Variants in SERPINB6 observed in about 807,000 individuals in gnomAD.
SERPINB6 encodes serpin B6.
A neutral mutation model predicts 26.1 loss-of-function variants in SERPINB6; 16 were observed. The observed-to-expected ratio is 0.61, with a 90% CI of 0.42 to 0.93. SERPINB6 has a LOEUF of 0.93. SERPINB6 is among the 40% of genes least tolerant of loss of function. SERPINB6 has a pLI of 0.00. For missense variants in SERPINB6, 420 were observed against 478.0 expected (o/e 0.88, Z 1.13); for synonymous variants, 174 against 176.6 (o/e 0.99, Z 0.11).
Position 2,967,157 on chromosome 6 carries a change from C to G in SERPINB6, c.-11+4376G>C. 1 of 985,292 alleles carries G rather than the reference C, an allele frequency of 1.0e-6. No homozygotes were observed. The highest frequency in any genetic ancestry group is 1.2e-6 in the Non-Finnish European group (1 of 829,824). The allele number at this position is 985,292 out of a possible 1,614,324, so 61.0% of individuals were successfully genotyped here. ...AAAGGTGACCAGTGCAGAGCTCCAG[C>G]CACCCAGACTCCTCGAGTTGGAGGG... On this transcript the variant is annotated intron_variant, in intron 1 of 6. Transcript: ENST00000380539. The surrounding 1 kb of genome is among the most constrained non-coding windows in gnomAD (Gnocchi z 4.3).
rs1367117546 is a variant in SERPINB6, at chr6:2,967,928, A to G, written c.-11+3605T>C. The G allele has an allele frequency of 6.6e-6, 1 of 152,246 alleles. No homozygotes were observed. The highest frequency in any genetic ancestry group is 1.9e-4 in the East Asian group (1 of 5,204). The allele number at this position is 152,246 out of a possible 1,614,324, so 9.4% of individuals were successfully genotyped here. ...AAACAGAACTACCATTCAACCCAGC[A>G]ATCCCATTACTGAGTATACAACCAG... On this transcript the variant is annotated intron_variant, in intron 1 of 6. Transcript: ENST00000380539. This position sits in a 1 kb window ranked among gnomAD's most constrained non-coding sequence, Gnocchi z 4.3.
chr6:2,955,122 G>A lies in SERPINB6; in HGVS notation c.312+402C>T, dbSNP rs550096028. On this transcript the variant is annotated intron_variant, in intron 3 of 6. Transcript: ENST00000380539. ...GGAGAATCACTTGAACCCAGAAGGC[G>A]GAGGTTGCAGTAAGCCGAGATCAGG... 1,026 of 275,830 alleles carry A rather than the reference G, an allele frequency of 3.7e-3. 4 individuals carry two copies. The highest frequency in any genetic ancestry group is 5.6e-3 in the Non-Finnish European group (809 of 143,830). The allele number at this position is 275,830 out of a possible 1,614,324, so 17.1% of individuals were successfully genotyped here. A position where few individuals can be genotyped will look rare whatever the true frequency, so the allele number is the denominator to read the frequency against.
At chr6:2,951,885 C>G (rs1769850680) in intron 5 of SERPINB6, among the ~76,000 whole-genome samples, 1 of 152,214 alleles carries the variant, frequency 6.6e-6, no homozygotes, top group African/African-American at 2.4e-5. Flanking sequence ...TTAGGCTCCC[C>G]TCCCCTCCCT....
At chr6:2,959,075 G>T in intron 2 of SERPINB6, 93 bp downstream of exon 2, 1 of 1,527,178 alleles carries the variant, frequency 6.5e-7, no homozygotes, top group Non-Finnish European at 9.0e-7. Context: ...ATACTGCACA[G>T]TCATCCGTCT....
chr6:2,969,190 A>AT (rs1771905400), intron 1 of SERPINB6: 1 of 988,172 alleles, frequency 1.0e-6, no homozygotes, highest in Non-Finnish European at 1.2e-6. Context: ...ATCTAGTGAG[A>AT]TTTTTCTATC....
chr6:2,970,057 CAAAAAAAAAA>C, intron 1 of SERPINB6: 1 of 805,458 alleles, frequency 1.2e-6, no homozygotes, highest in Non-Finnish European at 1.4e-6. Flanking sequence ...TCCAGCCTGG[CAAAAAAAAAA>C]AAAAAAAAAA....
chr6:2,955,570 C>T lies in SERPINB6; in HGVS notation c.266G>A (p.Arg89Lys). ...TTCCCCAAAGAGCCTGTTGGCCATC[C>T]TAAGCAAGTACTGCGTGCCAGTCTT... ...VNKTGTQYLL[R>K]MANRLFGEKS... The change falls in exon 3 of 7, where the codon AGG (arginine) becomes AAG (lysine). Residue 89 changes from arginine to lysine, a missense_variant. Coordinates refer to ENST00000380539, the MANE Select transcript of SERPINB6 (RefSeq NM_004568.6). The T allele has an allele frequency of 6.2e-7, 1 of 1,614,216 alleles. No homozygotes were observed. The highest frequency in any genetic ancestry group is 1.1e-5 in the South Asian group (1 of 91,086).
intron 1 of SERPINB6, 126 bp from the exon 2 acceptor site, chr6:2,959,468 C>T: frequency 1.1e-6 from 1 of 912,588 alleles, no homozygotes; most frequent in Admixed American, 1.8e-5. Flanking sequence ...ACACAGAACT[C>T]TGGCTGTTTC....
chr6:2,970,095 C>G, intron 1 of SERPINB6: 1 of 984,852 alleles, frequency 1.0e-6, no homozygotes, highest in South Asian at 4.7e-5. Flanking sequence ...TCTTTGGATG[C>G]CTTGGCTTAA....
chr6:2,959,597 C>T (rs1581258420), intron 1 of SERPINB6: 9 of 497,148 alleles, frequency 1.8e-5, no homozygotes, highest in South Asian at 1.0e-4. Context: ...CCTGCCCGCA[C>T]GTGGAGAAAG....
intron 5 of SERPINB6, among the ~76,000 whole-genome samples, chr6:2,950,495 T>C: frequency 6.9e-6 from 1 of 143,964 alleles, no homozygotes; most frequent in East Asian, 2.0e-4. Flanking sequence ...ATTGCACCGC[T>C]GCACTCCAGC....
At chr6:2,969,748 T>C (rs954816325) in intron 1 of SERPINB6, 18 of 973,864 alleles carry the variant, frequency 1.8e-5, no homozygotes, top group African/African-American at 1.8e-4. Flanking sequence ...TTTGTCCCTC[T>C]GTTTCCTTGT....
chr6:2,967,560 T>C lies in SERPINB6; in HGVS notation c.-11+3973A>G, dbSNP rs1197906355. 6.6e-6 allele frequency: 1 copy of C among 152,152 alleles called. No homozygotes were observed. The highest frequency in any genetic ancestry group is 1.5e-5 in the Non-Finnish European group (1 of 68,024). 9.4% of individuals were successfully genotyped at this position (152,152 alleles called of 1,614,324 possible). ...AACTATGCATCTGACAAAGGTCAAA[T>C]ATCCAGCATCTATATGGAACTTAAA... is the stretch of plus-strand genomic sequence containing the variant. On this transcript the variant is annotated intron_variant, in intron 1 of 6. Transcript: ENST00000380539. This position sits in a 1 kb window ranked among gnomAD's most constrained non-coding sequence, Gnocchi z 4.3.
chr6:2,969,484 G>A, intron 1 of SERPINB6: 1 of 982,406 alleles, frequency 1.0e-6, no homozygotes, highest in African/African-American at 1.7e-5. Context: ...GGATATTAAA[G>A]TCTTATTAAT....
intron 4 of SERPINB6, among the ~76,000 whole-genome samples, chr6:2,954,168 C>T (rs1334728033): frequency 1.3e-5 from 2 of 151,072 alleles, no homozygotes; most frequent in South Asian, 2.1e-4. Context: ...TAGACCAGGG[C>T]GTGACCCAGT....
intron 1 of SERPINB6, chr6:2,962,255 C>G (rs1771202552): frequency 1.0e-6 from 1 of 974,966 alleles, no homozygotes; most frequent in African/African-American, 1.8e-5. Context: ...ATGAGTTTCA[C>G]TGTGTCAGGG....
intron 1 of SERPINB6, among the ~76,000 whole-genome samples, chr6:2,965,305 T>C (rs1771510497): frequency 6.6e-6 from 1 of 152,234 alleles, no homozygotes; most frequent in South Asian, 2.1e-4. Flanking sequence ...TCTCCCTCCG[T>C]CTGTCACCAT....
chr6:2,955,732 G>A, intron 2 of SERPINB6, 62 bp from the exon 3 acceptor site: 1 of 1,586,062 alleles, frequency 6.3e-7, no homozygotes, highest in Non-Finnish European at 8.6e-7. Context: ...AGGAAATGGG[G>A]CAACCCCAAA....
At chr6:2,965,163 C>T (rs1393607436) in intron 1 of SERPINB6, among the ~76,000 whole-genome samples, 1 of 152,142 alleles carries the variant, frequency 6.6e-6, no homozygotes, top group African/African-American at 2.4e-5. Context: ...AGTGCCTTTC[C>T]CCCCTTTCCT....
Sources: gnomAD v4.1 joint callset for allele counts (sites outside exome capture counted in the v4.1 genomes callset) on GRCh38, gnomAD v4.1.1 for gene constraint, Gnocchi (gnomAD v3.1) non-coding constraint, MANE v1.5 for transcripts, NCBI Gene and HGNC (gene_info 2026-07-23, HGNC 2026-07-21) for gene names.